The following BMS1 variants were observed in gnomAD, a reference collection of about 807,000 sequenced individuals.
BMS1 encodes ribosome biogenesis protein BMS1 homolog.
A neutral mutation model predicts 138.7 loss-of-function variants in BMS1; 53 were observed. The observed-to-expected ratio is 0.38, with a 90% CI of 0.31 to 0.48. The LOEUF is 0.48. Ranked by LOEUF, BMS1 falls within the 20% of genes least tolerant of loss-of-function variation. The probability of loss-of-function intolerance (pLI) is 0.97; values close to 1 mark genes in which losing one functional copy is unlikely to be tolerated. For synonymous variants in BMS1, 504 were observed against 539.9 expected (o/e 0.93, Z 0.92); for missense variants, 1,360 against 1,565.5 (o/e 0.87, Z 2.22).
Position 42,784,392 on chromosome 10 carries a change from A to G in BMS1, c.-3A>G. On this transcript the variant is annotated 5_prime_UTR_variant, in exon 2 of 23. Coordinates refer to ENST00000374518, the MANE Select transcript of BMS1 (RefSeq NM_014753.4). ...AGTTACTTGTTATTGGTAAATAGCC[A>G]CTATGGAGGCTAAGGACCAGAAGAA... The G allele has an allele frequency of 6.3e-7, 1 of 1,598,132 alleles. No individual in the cohort carries two copies. The highest frequency in any genetic ancestry group is 8.5e-7 in the Non-Finnish European group (1 of 1,176,810).
intron 11 of BMS1, 90 bp from the exon 12 acceptor site, chr10:42,798,378 C>G (rs1841759644): frequency 6.6e-7 from 1 of 1,517,130 alleles, no homozygotes; most frequent in South Asian, 1.2e-5. Flanking sequence ...TTCCTGAGTT[C>G]AAAGACTCAT....
chr10:42,821,939 T>G, intron 18 of BMS1, 123 bp from the exon 19 acceptor site: 1 of 1,053,680 alleles, frequency 9.5e-7, no homozygotes, highest in East Asian at 2.4e-5. Flanking sequence ...TCACATGGTC[T>G]CTCTTGTTTT....
chr10:42,820,721 C>G lies in BMS1; in HGVS notation c.2950+33C>G, dbSNP rs3177184. 155 of 1,598,692 alleles carry G rather than the reference C, an allele frequency of 9.7e-5. No individual in the cohort carries two copies. In the African/African-American group the frequency reaches 1.0e-3, roughly 11 times the overall value. On this transcript the variant is annotated intron_variant, in intron 17 of 22. Transcript: ENST00000374518. ...ATGATTACAATAACTTGCCTGTTGC[C>G]AAGATTAAACCTTACAGGCTGCGTT...
At chr10:42,802,054 A>G in intron 12 of BMS1, 83 bp from the exon 13 acceptor site, 1 of 1,020,252 alleles carries the variant, frequency 9.8e-7, no homozygotes, top group Admixed American at 2.1e-5. Context: ...TTTAAAGGCA[A>G]GTTGTCACCT....
chr10:42,785,733 T>C, intron 3 of BMS1, 61 bp downstream of exon 3: 2 of 1,537,110 alleles, frequency 1.3e-6, no homozygotes, highest in Non-Finnish European at 1.8e-6. Flanking sequence ...GGGACATGCA[T>C]GCGTTTGTTG....
In BMS1 at chr10:42,785,663, A is replaced by G. The variant is rs369253475; in HGVS notation, c.358A>G (p.Ile120Val). ...GACTGAGATCAGAGGCCCTGTGACGATTGTGTCAGGTAGGAGATGCCACCA... is the reference window on the plus strand; with the variant it reads ...GACTGAGATCAGAGGCCCTGTGACGGTTGTGTCAGGTAGGAGATGCCACCA... ...KLTEIRGPVT[I>V]VSGKKRRLTI... The change falls in exon 3 of 23, where the codon ATT becomes GTT. Residue 120 changes from isoleucine (I) to valine (V), a missense_variant. Coordinates refer to ENST00000374518, the MANE Select transcript of BMS1 (RefSeq NM_014753.4). The G allele has an allele frequency of 6.2e-7, 1 of 1,613,590 alleles. No homozygotes were observed. The highest frequency in any genetic ancestry group is 8.5e-7 in the Non-Finnish European group (1 of 1,179,610).
At chr10:42,826,434 A>C (rs1842648852) in intron 21 of BMS1, among the ~76,000 whole-genome samples, 1 of 152,142 alleles carries the variant, frequency 6.6e-6, no homozygotes, top group Non-Finnish European at 1.5e-5. Context: ...GTGACTCTGG[A>C]CCCTACAGTG....
Position 42,793,881 on chromosome 10 carries a change from C to A in BMS1, c.1119C>A (p.Val373=). The change falls in exon 9 of 23, where the codon GTC becomes GTA. Residue 373 remains valine (V), a synonymous_variant. Transcript: ENST00000374518. Reference sequence around the variant, plus strand: ...AAGTGGGGCCCACCCATGAGCTGGTCCAGAGTCTCATCTCTACCCACTCCA... The same window carrying A: ...AAGTGGGGCCCACCCATGAGCTGGTACAGAGTCTCATCTCTACCCACTCCA... ...QDEVGPTHEL[V]QSLISTHSTI... 1.9e-6 allele frequency: 3 copies of A among 1,611,700 alleles called. No homozygotes were observed. In the South Asian group the frequency reaches 3.3e-5, roughly 18 times the overall value.
Position 42,833,113 on chromosome 10 carries a change from A to G in BMS1, c.*2017A>G, listed in dbSNP as rs1842827493. The G allele has an allele frequency of 6.6e-6, 1 of 152,216 alleles. No homozygotes were observed. Among genetic ancestry groups the G allele is most frequent in the Non-Finnish European group, 1.5e-5 (1 of 68,038 alleles). The allele number at this position is 152,216 out of a possible 1,614,324, so 9.4% of individuals were successfully genotyped here. Reference sequence around the variant, plus strand: ...ATCCTTTAGCAATGGGGGAAATAAAAGAATGTTTAATTACAGTTGCAGATA... The same window carrying G: ...ATCCTTTAGCAATGGGGGAAATAAAGGAATGTTTAATTACAGTTGCAGATA... On this transcript the variant is annotated 3_prime_UTR_variant, in exon 23 of 23. Transcript: ENST00000374518.
intron 15 of BMS1, among the ~76,000 whole-genome samples, chr10:42,818,529 C>A (rs1459112234): frequency 6.6e-6 from 1 of 152,128 alleles, no homozygotes; most frequent in African/African-American, 2.4e-5. Context: ...GTAGGATTTC[C>A]TGGTGGACTG....
At position 42,798,628 on chromosome 10, in the gene BMS1, A is replaced by G; in HGVS notation, c.2247+3A>G. The G allele has an allele frequency of 2.5e-6, 4 of 1,614,132 alleles. No individual in the cohort carries two copies. The highest frequency in any genetic ancestry group is 1.7e-5 in the Admixed American group (1 of 60,026). On this transcript the variant is annotated splice_donor_region_variant and intron_variant, in intron 12 of 22. Coordinates refer to ENST00000374518, the MANE Select transcript of BMS1 (RefSeq NM_014753.4). The stretch of plus-strand genomic sequence containing the variant: ...CCCATGACTGGGATTTAGAGGAGGT[A>G]AGTCTGGGTAGTACATTTGATTTAT...
chr10:42,783,243 C>T (rs1841213175), intron 1 of BMS1, among the ~76,000 whole-genome samples: 1 of 152,106 alleles, frequency 6.6e-6, no homozygotes. Flanking sequence ...GGTTTCAAAG[C>T]GTTCCTAGCG....
rs763872185 is a variant in BMS1, at chr10:42,784,413, A to G, written c.19A>G (p.Lys7Glu). MEAKDQ[K>E]KHRKKNSGPK... ...AGCCACTATGGAGGCTAAGGACCAG[A>G]AGAAACACAGAAAGAAAAACAGTGG... The change falls in exon 2 of 23, where the codon AAG becomes GAG. Residue 7 changes from lysine (K) to glutamate (E), a missense_variant. This residue lies in a region of BMS1 where 238 missense variants were observed against 311.1 expected (regional missense o/e 0.77). Coordinates refer to ENST00000374518, the MANE Select transcript of BMS1 (RefSeq NM_014753.4). The G allele has an allele frequency of 3.1e-6, 5 of 1,609,422 alleles. No individual in the cohort carries two copies. The highest frequency in any genetic ancestry group is 1.7e-5 in the Admixed American group (1 of 59,754).
intron 19 of BMS1, among the ~76,000 whole-genome samples, 183 bp downstream of exon 19, chr10:42,822,367 A>G (rs1340494774): frequency 1.3e-5 from 2 of 152,264 alleles, no homozygotes; most frequent in Non-Finnish European, 2.9e-5. Context: ...AAGCAGTGGT[A>G]AAACAGCTAT....
chr10:42,819,215 G>A (rs992084443), intron 15 of BMS1, among the ~76,000 whole-genome samples: 2 of 152,162 alleles, frequency 1.3e-5, no homozygotes, highest in African/African-American at 4.8e-5. Context: ...AAGAGTGGAT[G>A]GTGTCTAGTG....
At position 42,793,100 on chromosome 10, in the gene BMS1, A is replaced by G. The variant is rs746883605; in HGVS notation, c.1045A>G (p.Lys349Glu). 1 of 1,613,656 alleles carries G rather than the reference A, an allele frequency of 6.2e-7. No homozygotes were observed. The highest frequency in any genetic ancestry group is 8.5e-7 in the Non-Finnish European group (1 of 1,179,840). ...TGGAGTTGGGGGTGTGCTGTATGAC[A>G]AAGACGCTGTCTATGTTGACCTTGG... ...LSGVGGVLYD[K>E]DAVYVDLGGS... is the part of the protein sequence containing the mutation. Residue 349 changes from lysine (K) to glutamate (E), a missense_variant, in exon 8 of 23, where the codon AAA becomes GAA. Lys to Glu is a moderately conservative substitution (Grantham distance 56). Coordinates refer to ENST00000374518, the MANE Select transcript of BMS1 (RefSeq NM_014753.4).
At chr10:42,785,847 G>A (rs1159952495) in intron 3 of BMS1, among the ~76,000 whole-genome samples, 175 bp downstream of exon 3, 1 of 152,172 alleles carries the variant, frequency 6.6e-6, no homozygotes, top group African/African-American at 2.4e-5. Flanking sequence ...AGTTCCCAGA[G>A]ATAAGGATGT....
intron 4 of BMS1, among the ~76,000 whole-genome samples, 166 bp downstream of exon 4, chr10:42,787,413 ATGT>A (rs1454529459): frequency 7.9e-5 from 12 of 152,228 alleles, no homozygotes. Flanking sequence ...ATGGTAATAA[ATGT>A]TGTTATGTTA....
At position 42,820,956 on chromosome 10, in the gene BMS1, T is replaced by C; in HGVS notation, c.2973T>C (p.Thr991=). The C allele has an allele frequency of 1.9e-6, 3 of 1,602,066 alleles. No individual in the cohort carries two copies. The highest frequency in any genetic ancestry group is 2.5e-6 in the Non-Finnish European group (3 of 1,177,954). Residue 991 remains threonine (T), a synonymous_variant, in exon 18 of 23, where the codon ACT becomes ACC. Coordinates refer to ENST00000374518, the MANE Select transcript of BMS1 (RefSeq NM_014753.4). The part of the protein sequence containing the change: ...AFWGPITPQG[T]GFLAIQSVSG... The stretch of plus-strand genomic sequence containing the variant: ...AAGGCCCTATCACTCCACAGGGAAC[T>C]GGTTTCTTGGCAATACAGTCTGTCA...
Sources: allele counts gnomAD v4.1 joint callset (sites outside exome capture counted in the v4.1 genomes callset), GRCh38; gene constraint gnomAD v4.1.1; regional missense constraint gnomAD v4.1.1; transcripts MANE v1.5; gene names NCBI Gene and HGNC (gene_info 2026-07-23, HGNC 2026-07-21).